The following BCAR3 variants were observed in gnomAD, a reference collection of about 807,000 sequenced individuals.
BCAR3 encodes BCAR3 adaptor protein, NSP family member.
In BCAR3, 37 loss-of-function variants were observed where a neutral mutation model predicts 80.1. That is an observed-to-expected ratio of 0.46 (90% CI 0.36 to 0.61). The LOEUF (loss-of-function observed/expected upper bound fraction) is 0.61, where lower values mean the gene tolerates loss of function less well. Ranked by LOEUF, BCAR3 falls within the 20% of genes least tolerant of loss-of-function variation. The pLI is 0.00. For synonymous variants in BCAR3, 389 were observed against 418.9 expected (o/e 0.93, Z 0.87); for missense variants, 978 against 1,068.2 (o/e 0.92, Z 1.18).
At chr1:93,796,247 C>T (rs1347819106) in intron 2 of BCAR3, among the ~76,000 whole-genome samples, 6 of 127,090 alleles carry the variant, frequency 4.7e-5, no homozygotes, top group African/African-American at 1.8e-4. Flanking sequence ...GGGCGCCCCT[C>T]CCCCAGCCTC....
chr1:93,686,398 CAGTGAGCCCCATTACAAAAAAAA>C (rs1485248132), upstream of BCAR3, among the ~76,000 whole-genome samples: 2 of 152,042 alleles, frequency 1.3e-5, no homozygotes, highest in African/African-American at 4.8e-5. Context: ...CTGGGCAATA[CAGTGAGCCCCATTACAAAAAAAA>C]AGTTAATAAT....
chr1:93,777,453 CTCTTCCTCCTCCTCT>C (rs1172135196), intron 2 of BCAR3, among the ~76,000 whole-genome samples: 3 of 142,202 alleles, frequency 2.1e-5, no homozygotes, highest in East Asian at 2.1e-4. Context: ...CCTCCTCCTC[CTCTTCCTCCTCCTCT>C]TCTTCCTCCT....
chr1:93,761,655 G>A (rs983803916), intron 2 of BCAR3, among the ~76,000 whole-genome samples: 3 of 152,248 alleles, frequency 2.0e-5, no homozygotes, highest in East Asian at 1.9e-4. Flanking sequence ...GGGCAGCCAC[G>A]GCAAACCCCC....
intron 2 of BCAR3, among the ~76,000 whole-genome samples, chr1:93,663,560 C>T (rs751418947): frequency 5.3e-5 from 8 of 152,188 alleles, no homozygotes; most frequent in Non-Finnish European, 1.2e-4. Flanking sequence ...ATACAAAGGG[C>T]TATACCGTGG....
chr1:93,562,219 C>G lies in BCAR3; in HGVS notation c.*22G>C. On this transcript the variant is annotated 3_prime_UTR_variant, in exon 12 of 12. Coordinates refer to ENST00000260502, the MANE Select transcript of BCAR3 (RefSeq NM_003567.4). The stretch of plus-strand genomic sequence containing the variant: ...AGCTGGGGAAACTTGAAAAGATATT[C>G]TAAAGGTTCTCTGGAGAGTTATCAA... 6.3e-7 allele frequency: 1 copy of G among 1,596,752 alleles called. No individual in the cohort carries two copies. The highest frequency in any genetic ancestry group is 1.3e-5 in the African/African-American group (1 of 74,210).
At chr1:93,813,385 G>A (rs1653912561) in intron 2 of BCAR3, among the ~76,000 whole-genome samples, 1 of 152,230 alleles carries the variant, frequency 6.6e-6, no homozygotes. Context: ...CCCCCTCAAT[G>A]AGAAAGCTTT....
At position 93,743,205 on chromosome 1, in the gene BCAR3, T is replaced by C. The variant is rs573418294; in HGVS notation, c.-62-37063A>G. ...AGACCTGTGTTTTTAATACAGGTGC[T>C]AGGTGTATTTAAAACAATTATGCTG... On this transcript the variant is annotated intron_variant, in intron 2 of 13. Coordinates refer to the BCAR3 transcript ENST00000370244. 2.5e-5 allele frequency among the ~76,000 whole-genome samples: 3 copies of C among 119,528 alleles called. No homozygotes were observed. In the South Asian group the frequency reaches 7.2e-4, roughly 29 times the overall value. The allele number at this position is 119,528 out of a possible 152,430, so 78.4% of individuals were successfully genotyped here.
intron 2 of BCAR3, among the ~76,000 whole-genome samples, chr1:93,664,115 T>G (rs1647786717): frequency 6.6e-6 from 1 of 152,190 alleles, no homozygotes; most frequent in African/African-American, 2.4e-5. Context: ...AACAGCGAGT[T>G]CCTACTTTTC....
chr1:93,832,793 C>A (rs755757563), intron 2 of BCAR3, among the ~76,000 whole-genome samples: 1 of 152,182 alleles, frequency 6.6e-6, no homozygotes, highest in South Asian at 2.1e-4. Context: ...TAGTTATCCC[C>A]ACCTGCCCAG....
chr1:93,690,161 A>G (rs1415411033), intron 3 of BCAR3, among the ~76,000 whole-genome samples: 1 of 152,244 alleles, frequency 6.6e-6, no homozygotes, highest in Non-Finnish European at 1.5e-5. Context: ...TGTGAAAATA[A>G]CAGACTTCTG....
chr1:93,775,346 GCACAGAGGTGCTCTC>G (rs1451712033), intron 2 of BCAR3: 2 of 152,178 alleles, frequency 1.3e-5, no homozygotes, highest in African/African-American at 4.8e-5. Context: ...TCTCAGAGAG[GCACAGAGGTGCTCTC>G]CATAGAGAGG....
chr1:93,562,414 GA>G lies in BCAR3; in HGVS notation c.2304del (p.Gln769AsnfsTer6). ...RMNAERILAG[F>X]QPDEEMNEIC... ...ATTTCATTCATTTCTTCATCTGGTT[GA>G]AAACCTAATGAAACAAAATAAACAA... On this transcript the variant is annotated frameshift_variant, in exon 12 of 12. Coordinates refer to ENST00000260502, the MANE Select transcript of BCAR3 (RefSeq NM_003567.4). LOFTEE classifies it high-confidence loss of function. The G allele has an allele frequency of 6.2e-7, 1 of 1,613,188 alleles. No individual in the cohort carries two copies. Among genetic ancestry groups the G allele is most frequent in the Non-Finnish European group, 8.5e-7 (1 of 1,179,606 alleles).
intron 2 of BCAR3, among the ~76,000 whole-genome samples, chr1:93,669,082 C>T (rs1335380257): frequency 6.6e-6 from 1 of 152,082 alleles, no homozygotes; most frequent in African/African-American, 2.4e-5. Context: ...TTCCAATTTG[C>T]AGACAGCAGA....
rs116074507 is a variant in BCAR3 at position 93,827,270 on chromosome 1, A to G, written c.-63+18297T>C. On this transcript the variant is annotated intron_variant, in intron 2 of 13. Coordinates refer to the BCAR3 transcript ENST00000370244. ...TGGGAGACCAAAAAGTACTGCATCCATCTGGCTGGCACAGGGACAAGTTTG... is the reference window on the plus strand; with the variant it reads ...TGGGAGACCAAAAAGTACTGCATCCGTCTGGCTGGCACAGGGACAAGTTTG... 4.3e-3 allele frequency among the ~76,000 whole-genome samples: 660 copies of G among 152,278 alleles called. 3 individuals are homozygous for G. Among genetic ancestry groups the G allele is most frequent in the Middle Eastern group, 6.8e-3 (2 of 294 alleles).
At chr1:93,805,660 A>AT (rs1172833905) in intron 2 of BCAR3, among the ~76,000 whole-genome samples, 1 of 152,174 alleles carries the variant, frequency 6.6e-6, no homozygotes, top group East Asian at 1.9e-4. Flanking sequence ...TGTTCTTAAG[A>AT]TTTTCTATCA....
chr1:93,799,530 T>G (rs1014706269), intron 2 of BCAR3, among the ~76,000 whole-genome samples: 1 of 152,188 alleles, frequency 6.6e-6, no homozygotes, highest in Non-Finnish European at 1.5e-5. Context: ...TTATCTGAAT[T>G]TATATGTATT....
At chr1:93,618,723 G>A (rs1338479016) in intron 3 of BCAR3, among the ~76,000 whole-genome samples, 1 of 152,068 alleles carries the variant, frequency 6.6e-6, no homozygotes, top group East Asian at 1.9e-4. Context: ...ATACATACAG[G>A]ACATAATCCC....
At chr1:93,772,237 A>T (rs567426912) in intron 2 of BCAR3, among the ~76,000 whole-genome samples, 164 of 152,316 alleles carry the variant, frequency 1.1e-3, no homozygotes, top group Non-Finnish European at 1.6e-3. Context: ...ACACAATCAA[A>T]TTTGGATTTT....
chr1:93,761,667 A>G (rs1483338657), intron 2 of BCAR3, among the ~76,000 whole-genome samples: 1 of 152,130 alleles, frequency 6.6e-6, no homozygotes, highest in Non-Finnish European at 1.5e-5. Context: ...CAAACCCCCG[A>G]GCTCAAGCCA....
Sources: allele counts gnomAD v4.1 joint callset (sites outside exome capture counted in the v4.1 genomes callset), GRCh38; gene constraint gnomAD v4.1.1; transcripts MANE v1.5; gene names NCBI Gene and HGNC (gene_info 2026-07-23, HGNC 2026-07-21).